Variants in HS3ST4 observed in about 807,000 individuals in gnomAD.
HS3ST4 encodes the protein heparan sulfate glucosamine 3-O-sulfotransferase 4.
In HS3ST4, 17 loss-of-function variants were observed where a neutral mutation model predicts 29.2. The ratio of observed to expected loss-of-function variants is 0.58; its 90% CI spans 0.40 to 0.87. The LOEUF (loss-of-function observed/expected upper bound fraction) is 0.87. Among genes scored for constraint, HS3ST4 ranks in the 40% least tolerant of loss-of-function variants. HS3ST4 has a pLI of 0.00. For synonymous variants in HS3ST4, 314 were observed against 285.7 expected, an observed-to-expected ratio of 1.10 and a Z score of -1.00; for missense variants, 627 against 634.5, an observed-to-expected ratio of 0.99 and a Z score of 0.13.
chr16:26,086,757 A>G (rs1898794379), intron 1 of HS3ST4, among the ~76,000 whole-genome samples: 1 of 152,212 alleles, frequency 6.6e-6, no homozygotes. Flanking sequence ...GACCCTTAAT[A>G]AATATCAATC....
intron 1 of HS3ST4, among the ~76,000 whole-genome samples, chr16:25,972,420 G>A (rs114240120): frequency 6.6e-6 from 1 of 152,292 alleles, no homozygotes; most frequent in South Asian, 2.1e-4. Context: ...AGTTATTTTA[G>A]AGCTTGAAGC....
In HS3ST4 at chr16:25,692,992, A is replaced by C; in HGVS notation, c.575A>C (p.Tyr192Ser). 2.5e-6 allele frequency: 4 copies of C among 1,611,284 alleles called. No individual in the cohort carries two copies. The highest frequency in any genetic ancestry group is 2.5e-6 in the Non-Finnish European group (3 of 1,179,284). The stretch of plus-strand genomic sequence containing the variant: ...GGCGGCGCCGTCAGCACCCCCGACT[A>C]TGGGGAGAAGAAGCTGCCACAGGCG... Reference protein sequence around the residue: ...ERGGAVSTPDYGEKKLPQALI... With the variant: ...ERGGAVSTPDSGEKKLPQALI... The change falls in exon 1 of 2, where the codon TAT becomes TCT. Residue 192 changes from tyrosine (Y) to serine (S), a missense_variant. By Grantham distance (144) the Tyr-to-Ser change is moderately radical. This residue lies in a region of HS3ST4 where 402 missense variants were observed against 340.8 expected (regional missense o/e 1.18). Transcript: ENST00000331351.
chr16:25,766,353 G>T (rs753537374), intron 1 of HS3ST4, among the ~76,000 whole-genome samples: 16 of 152,002 alleles, frequency 1.1e-4, no homozygotes, highest in Non-Finnish European at 2.1e-4. Flanking sequence ...TGTAGAAGGA[G>T]TATTTCTACC....
intron 1 of HS3ST4, among the ~76,000 whole-genome samples, chr16:26,028,083 A>G (rs112114613): frequency 3.1e-3 from 468 of 151,938 alleles, no homozygotes; most frequent in African/African-American, 0.011. Flanking sequence ...GACCAGCCTG[A>G]CCAACATGGT....
chr16:25,758,955 C>G (rs1160134448), intron 1 of HS3ST4, among the ~76,000 whole-genome samples: 2 of 118,008 alleles, frequency 1.7e-5, no homozygotes, highest in Non-Finnish European at 3.4e-5. Flanking sequence ...GACTCTGTCT[C>G]AAAAAAAACA....
intron 1 of HS3ST4, among the ~76,000 whole-genome samples, chr16:26,058,178 A>T (rs1898432393): frequency 6.6e-6 from 1 of 152,158 alleles, no homozygotes; most frequent in Non-Finnish European, 1.5e-5. Context: ...CTAGCAAGTG[A>T]CCAAACCTTT....
At chr16:26,002,346 A>C (rs1434913544) in intron 1 of HS3ST4, among the ~76,000 whole-genome samples, 1 of 152,096 alleles carries the variant, frequency 6.6e-6, no homozygotes, top group Non-Finnish European at 1.5e-5. Context: ...CACTTTTTTT[A>C]ATGGATTACC....
At chr16:25,868,883 G>A (rs1967721694) in intron 1 of HS3ST4, among the ~76,000 whole-genome samples, 1 of 152,096 alleles carries the variant, frequency 6.6e-6, no homozygotes. Context: ...AGGTTCCCTG[G>A]TAGGATGATG....
At chr16:26,125,387 C>T in intron 1 of HS3ST4, among the ~76,000 whole-genome samples, 1 of 152,192 alleles carries the variant, frequency 6.6e-6, no homozygotes, top group East Asian at 1.9e-4. Flanking sequence ...CTTGCTTCCG[C>T]AGTTCACAAT....
intron 1 of HS3ST4, among the ~76,000 whole-genome samples, chr16:26,087,265 T>C (rs1335715999): frequency 6.6e-6 from 1 of 152,234 alleles, no homozygotes; most frequent in African/African-American, 2.4e-5. Context: ...CTCAGATGTA[T>C]TTACTTAACA....
At chr16:25,925,770 A>G (rs529483980) in intron 1 of HS3ST4, among the ~76,000 whole-genome samples, 2 of 152,276 alleles carry the variant, frequency 1.3e-5, no homozygotes, top group East Asian at 1.9e-4. Context: ...CAGAGGGCCA[A>G]TGTTGCTGAG....
intron 1 of HS3ST4, among the ~76,000 whole-genome samples, chr16:26,034,515 G>A (rs1256932457): frequency 6.6e-6 from 1 of 152,084 alleles, no homozygotes; most frequent in Non-Finnish European, 1.5e-5. Flanking sequence ...CAGACCTCTT[G>A]AGAATACCCC....
In HS3ST4 at chr16:25,782,016, C is replaced by T. The variant is rs543884048; in HGVS notation, c.734+88865C>T. Among the ~76,000 whole-genome samples the T allele has an allele frequency of 5.4e-4, 82 of 152,228 alleles. 2 individuals are homozygous for T. In the South Asian group the frequency reaches 0.017, roughly 31 times the overall value. ...TTATAAAGGAAAGAGATTTAATTGG[C>T]TTACAGTTCAGCATGGCTGGGGAGG... On this transcript the variant is annotated intron_variant, in intron 1 of 1. Transcript: ENST00000331351.
intron 1 of HS3ST4, among the ~76,000 whole-genome samples, chr16:25,959,258 T>C (rs1285664732): frequency 2.6e-5 from 4 of 152,316 alleles, no homozygotes; most frequent in Non-Finnish European, 4.4e-5. Context: ...TTGCCGAAAG[T>C]TGGGTCTGAA....
chr16:26,071,530 C>G (rs905549691), intron 1 of HS3ST4, among the ~76,000 whole-genome samples: 1 of 152,140 alleles, frequency 6.6e-6, no homozygotes, highest in Non-Finnish European at 1.5e-5. Flanking sequence ...CATGCCAAAA[C>G]AAGGTTATAA....
At chr16:25,738,441 G>C (rs1269260959) in intron 1 of HS3ST4, among the ~76,000 whole-genome samples, 1 of 152,158 alleles carries the variant, frequency 6.6e-6, no homozygotes, top group Non-Finnish European at 1.5e-5. Context: ...TTTGATCAGT[G>C]GTTCTCGAAC....
intron 1 of HS3ST4, among the ~76,000 whole-genome samples, chr16:26,061,931 A>C (rs1388931208): frequency 6.6e-6 from 1 of 152,148 alleles, no homozygotes; most frequent in Admixed American, 6.5e-5. Context: ...TCTGGCTCCT[A>C]TAAAGGTCAA....
intron 1 of HS3ST4, among the ~76,000 whole-genome samples, chr16:26,089,082 C>T (rs1044694440): frequency 6.6e-6 from 1 of 152,154 alleles, no homozygotes. Context: ...TGTGTGCACA[C>T]GCACACATGC....
intron 1 of HS3ST4, among the ~76,000 whole-genome samples, chr16:26,106,617 A>G (rs1899060849): frequency 6.6e-6 from 1 of 152,184 alleles, no homozygotes; most frequent in East Asian, 1.9e-4. Context: ...GTCCAGCCAC[A>G]TACCTTTGGG....
Sources: gnomAD v4.1 joint callset for allele counts (sites outside exome capture counted in the v4.1 genomes callset) on GRCh38, gnomAD v4.1.1 for gene constraint, gnomAD v4.1.1 regional missense constraint, MANE v1.5 for transcripts, NCBI Gene and HGNC (gene_info 2026-07-23, HGNC 2026-07-21) for gene names.